BRD10: variants seen among roughly 807,000 people sequenced by gnomAD.
The protein encoded by BRD10 is bromodomain containing 10, also known as uncharacterized bromodomain-containing protein 10.
At chr9:6,003,970 A>G in the BRD10 span, among the ~76,000 whole-genome samples, 2 of 152,200 alleles carry the variant, frequency 1.3e-5, no homozygotes. Flanking sequence ...ACCACAGTGA[A>G]GCATACAGAA....
chr9:5,985,790 A>T, the BRD10 span, among the ~76,000 whole-genome samples: 14 of 151,498 alleles, frequency 9.2e-5, no homozygotes, highest in East Asian at 7.8e-4. Context: ...CGTCTCAAAA[A>T]AAATAAATAA....
At chr9:6,000,464 G>C in the BRD10 span, among the ~76,000 whole-genome samples, 3 of 152,140 alleles carry the variant, frequency 2.0e-5, no homozygotes, top group South Asian at 4.1e-4. Flanking sequence ...ACTATGAAAG[G>C]GATGACATTT....
the BRD10 span, among the ~76,000 whole-genome samples, chr9:5,944,022 C>T: frequency 6.6e-6 from 1 of 152,142 alleles, no homozygotes. Context: ...CGATATCAAA[C>T]TTGCTGAATC....
At chr9:5,897,524 T>C in the BRD10 span, 1 of 1,570,566 alleles carries the variant, frequency 6.4e-7, no homozygotes. Context: ...AATGTTTCAA[T>C]GACAAAGTGG....
chr9:5,893,902 AC>A, the BRD10 span, among the ~76,000 whole-genome samples: 1 of 83,134 alleles, frequency 1.2e-5, no homozygotes, highest in Non-Finnish European at 2.3e-5. Flanking sequence ...TTATTGCTCC[AC>A]CCCCGCCCCC....
chr9:5,930,746 G>A, the BRD10 span, among the ~76,000 whole-genome samples: 1 of 152,086 alleles, frequency 6.6e-6, no homozygotes, highest in Non-Finnish European at 1.5e-5. Context: ...TGTTAAATGT[G>A]TTCTAAAGTA....
chr9:5,914,661 G>A, the BRD10 span, among the ~76,000 whole-genome samples: 1 of 151,936 alleles, frequency 6.6e-6, no homozygotes, highest in African/African-American at 2.4e-5. Context: ...CTGACCTCGT[G>A]ATCTGCCCGC....
the BRD10 span, among the ~76,000 whole-genome samples, chr9:5,946,317 A>G: frequency 6.6e-6 from 1 of 152,238 alleles, no homozygotes; most frequent in Middle Eastern, 3.4e-3. Context: ...TAAATAACCC[A>G]GATTAAACAA....
the BRD10 span, among the ~76,000 whole-genome samples, chr9:5,895,913 A>T: frequency 1 from 151,815 of 152,386 alleles, 75,623 homozygotes; most frequent in East Asian, 1. Flanking sequence ...CAGAGCTCTG[A>T]CTGTGTCAAG....
chr9:5,968,777 T>C, the BRD10 span: 246 of 1,613,782 alleles, frequency 1.5e-4, 1 homozygote, highest in Non-Finnish European at 2.1e-4. Flanking sequence ...GGGTCTCTGT[T>C]TATAAATCCG....
At chr9:5,955,783 G>C in the BRD10 span, among the ~76,000 whole-genome samples, 15 of 152,112 alleles carry the variant, frequency 9.9e-5, no homozygotes, top group African/African-American at 3.6e-4. Flanking sequence ...TGCTTACACA[G>C]TACCTTATAA....
chr9:5,914,599 A>G, the BRD10 span, among the ~76,000 whole-genome samples: 2 of 151,340 alleles, frequency 1.3e-5, no homozygotes, highest in African/African-American at 4.9e-5. Context: ...AATTTTTTGT[A>G]TTTTTAGTAG....
At chr9:5,962,328 G>C in the BRD10 span, among the ~76,000 whole-genome samples, 1 of 111,128 alleles carries the variant, frequency 9.0e-6, no homozygotes, top group East Asian at 2.3e-4. Flanking sequence ...TAAATTCCTC[G>C]ACACATACAC....
chr9:5,950,920 A>G, the BRD10 span, among the ~76,000 whole-genome samples: 1 of 152,152 alleles, frequency 6.6e-6, no homozygotes, highest in African/African-American at 2.4e-5. Context: ...TTGTTTAGGG[A>G]ATAATGACAA....
the BRD10 span, chr9:5,897,560 C>G: frequency 1.9e-6 from 3 of 1,613,906 alleles, no homozygotes; most frequent in East Asian, 6.7e-5. Context: ...GGGCCAGGGC[C>G]GCTGGGATCG....
the BRD10 span, among the ~76,000 whole-genome samples, chr9:5,880,225 T>A: frequency 6.6e-6 from 1 of 151,270 alleles, no homozygotes; most frequent in African/African-American, 2.4e-5. Context: ...CACCAGAAGT[T>A]TCTTTAAAAA....
chr9:5,980,591 AT>A, the BRD10 span, among the ~76,000 whole-genome samples: 1 of 152,114 alleles, frequency 6.6e-6, no homozygotes, highest in Non-Finnish European at 1.5e-5. Flanking sequence ...TAGAAACCAA[AT>A]TAGGTACATT....
At chr9:5,922,002 C>G in the BRD10 span, 2 of 1,613,948 alleles carry the variant, frequency 1.2e-6, no homozygotes, top group Non-Finnish European at 1.7e-6. Flanking sequence ...GGTGAAAAAG[C>G]AGAGGAAGAA....
the BRD10 span, among the ~76,000 whole-genome samples, chr9:5,930,504 A>G: frequency 6.6e-6 from 1 of 151,824 alleles, no homozygotes; most frequent in Non-Finnish European, 1.5e-5. Context: ...GTTTATGCAC[A>G]TTAACAGGTA....
Sources: gnomAD v4.1 joint callset for allele counts (sites outside exome capture counted in the v4.1 genomes callset) on GRCh38, gnomAD v4.1.1 for gene constraint, MANE v1.5 for transcripts, NCBI Gene and HGNC (gene_info 2026-07-23, HGNC 2026-07-21) for gene names.